The following AFG2A variants were observed in gnomAD, a reference collection of about 807,000 sequenced individuals.
AFG2A encodes the protein AAA ATPase AFG2A, also known as ATPase family gene 2 protein homolog A.
the AFG2A span, among the ~76,000 whole-genome samples, chr4:122,927,140 A>G: frequency 6.6e-6 from 1 of 152,196 alleles, no homozygotes; most frequent in African/African-American, 2.4e-5. Flanking sequence ...GTGTGTTCGT[A>G]TAAGGAAGAC....
chr4:123,296,223 A>T, the AFG2A span, among the ~76,000 whole-genome samples: 1 of 152,140 alleles, frequency 6.6e-6, no homozygotes, highest in African/African-American at 2.4e-5. Context: ...TCTAGATCTT[A>T]ATACAAGTTA....
the AFG2A span, among the ~76,000 whole-genome samples, chr4:123,072,031 A>G: frequency 3.3e-5 from 5 of 152,194 alleles, no homozygotes; most frequent in African/African-American, 9.7e-5. Context: ...ACATTGGTGT[A>G]TTTGGCTTAC....
At chr4:123,190,329 G>A in the AFG2A span, among the ~76,000 whole-genome samples, 2 of 152,060 alleles carry the variant, frequency 1.3e-5, no homozygotes, top group African/African-American at 4.8e-5. Flanking sequence ...AATTAGTTCC[G>A]GAAACATATG....
chr4:122,999,525 A>C, the AFG2A span, among the ~76,000 whole-genome samples: 1 of 152,078 alleles, frequency 6.6e-6, no homozygotes, highest in South Asian at 2.1e-4. Flanking sequence ...CTTTCTACAT[A>C]TGGCTAGCCA....
At chr4:123,107,261 A>G in the AFG2A span, among the ~76,000 whole-genome samples, 112,169 of 152,134 alleles carry the variant, frequency 0.74, 41,902 homozygotes, top group East Asian at 0.97. Context: ...CAGTCCCTCC[A>G]TTTGGTGGGT....
the AFG2A span, among the ~76,000 whole-genome samples, chr4:123,071,197 C>T: frequency 0.012 from 1,849 of 152,298 alleles, 44 homozygotes; most frequent in African/African-American, 0.041. Flanking sequence ...ACTTGTTTCT[C>T]GGGCTGGGTG....
the AFG2A span, among the ~76,000 whole-genome samples, chr4:123,050,162 A>T: frequency 6.6e-6 from 1 of 152,124 alleles, no homozygotes; most frequent in Non-Finnish European, 1.5e-5. Flanking sequence ...TGTGGTCAAA[A>T]AAGATGCTTG....
chr4:123,022,618 T>A, the AFG2A span, among the ~76,000 whole-genome samples: 2 of 148,436 alleles, frequency 1.3e-5, no homozygotes, highest in Non-Finnish European at 3.0e-5. Flanking sequence ...ATTGTGGAAG[T>A]CAGTGTGGCG....
chr4:123,181,221 T>C, the AFG2A span, among the ~76,000 whole-genome samples: 256 of 152,046 alleles, frequency 1.7e-3, 5 homozygotes, highest in East Asian at 0.041. Context: ...CCTGACCTCA[T>C]GATCCGCCCA....
At chr4:123,193,934 G>A in the AFG2A span, among the ~76,000 whole-genome samples, 1 of 152,126 alleles carries the variant, frequency 6.6e-6, no homozygotes, top group African/African-American at 2.4e-5. Context: ...AATGTAAAAG[G>A]GGAGAAAATG....
the AFG2A span, among the ~76,000 whole-genome samples, chr4:123,237,876 G>A: frequency 1.3e-5 from 2 of 152,040 alleles, no homozygotes; most frequent in African/African-American, 2.4e-5. Context: ...GTGGGGCATT[G>A]CCTCACCCAG....
the AFG2A span, among the ~76,000 whole-genome samples, chr4:123,254,950 G>GAT: frequency 4.7e-3 from 716 of 151,718 alleles, 5 homozygotes; most frequent in Middle Eastern, 0.017. Context: ...TATAGATACA[G>GAT]ATATATATAT....
the AFG2A span, among the ~76,000 whole-genome samples, chr4:123,031,474 TC>T: frequency 1.3e-5 from 2 of 152,206 alleles, no homozygotes; most frequent in Non-Finnish European, 2.9e-5. Flanking sequence ...AATTTTAACT[TC>T]CTGTTTAAAA....
the AFG2A span, among the ~76,000 whole-genome samples, chr4:122,935,067 G>A: frequency 0.87 from 132,717 of 152,152 alleles, 58,174 homozygotes; most frequent in East Asian, 0.96. Context: ...AATACATTAG[G>A]TAAAACTTCT....
the AFG2A span, among the ~76,000 whole-genome samples, chr4:123,050,814 G>A: frequency 3.3e-5 from 5 of 151,014 alleles, no homozygotes; most frequent in East Asian, 2.0e-4. Context: ...GCACTCTCTC[G>A]GCTCACTGCA....
At chr4:123,137,256 T>C in the AFG2A span, among the ~76,000 whole-genome samples, 1 of 152,208 alleles carries the variant, frequency 6.6e-6, no homozygotes, top group Non-Finnish European at 1.5e-5. Context: ...TCACTTTGGT[T>C]GATTATGCTG....
chr4:122,960,333 TA>T, the AFG2A span, among the ~76,000 whole-genome samples: 8 of 152,218 alleles, frequency 5.3e-5, no homozygotes, highest in African/African-American at 1.7e-4. Flanking sequence ...AAATATTAAT[TA>T]TGTAGCAGTG....
the AFG2A span, among the ~76,000 whole-genome samples, chr4:123,153,968 T>C: frequency 1.4e-3 from 218 of 152,268 alleles, no homozygotes; most frequent in African/African-American, 5.2e-3. Flanking sequence ...CAAGCAAAAA[T>C]ATCCCTTAAC....
chr4:123,210,246 A>G, the AFG2A span, among the ~76,000 whole-genome samples: 1 of 152,222 alleles, frequency 6.6e-6, no homozygotes, highest in Non-Finnish European at 1.5e-5. Context: ...CTACTGCCTT[A>G]GCAATTTTCA....
Sources: allele counts gnomAD v4.1 joint callset (sites outside exome capture counted in the v4.1 genomes callset), GRCh38; gene constraint gnomAD v4.1.1; transcripts MANE v1.5; gene names NCBI Gene and HGNC (gene_info 2026-07-23, HGNC 2026-07-21).